SNTB1: variants seen among roughly 807,000 people sequenced by gnomAD.
SNTB1 encodes the protein beta-1-syntrophin.
In SNTB1, 36 loss-of-function variants were observed where a neutral mutation model predicts 48.9. The observed-to-expected ratio is 0.74, with a 90% CI of 0.56 to 0.97. The LOEUF (loss-of-function observed/expected upper bound fraction) is 0.97, where lower values mean the gene tolerates loss of function less well. SNTB1 is among the 50% of genes least tolerant of loss of function. The pLI is 0.00. For missense variants in SNTB1, 786 were observed against 703.4 expected (o/e 1.12, Z -1.33); for synonymous variants, 299 against 294.6 (o/e 1.01, Z -0.15).
chr8:120,647,035 G>A (rs1469149430), intron 2 of SNTB1, among the ~76,000 whole-genome samples: 11 of 148,874 alleles, frequency 7.4e-5, no homozygotes, highest in Middle Eastern at 3.4e-3. Flanking sequence ...TTTTTATTGC[G>A]TCTATTTGAT....
intron 1 of SNTB1, among the ~76,000 whole-genome samples, chr8:120,800,731 C>T (rs76285556): frequency 1.8e-3 from 278 of 151,794 alleles, no homozygotes; most frequent in Non-Finnish European, 2.2e-3. Flanking sequence ...GGGATAAGTA[C>T]AAAAAAACTA....
intron 4 of SNTB1, among the ~76,000 whole-genome samples, chr8:120,566,313 G>C (rs1196639350): frequency 8.4e-6 from 1 of 119,668 alleles, no homozygotes; most frequent in Non-Finnish European, 1.6e-5. Context: ...TGGGCGACAA[G>C]AGCAAGACTC....
intron 1 of SNTB1, among the ~76,000 whole-genome samples, chr8:120,756,132 A>G (rs1039581474): frequency 2.0e-5 from 3 of 152,174 alleles, no homozygotes; most frequent in African/African-American, 7.2e-5. Flanking sequence ...CATATCCAAC[A>G]TAGTCAATCT....
intron 1 of SNTB1, among the ~76,000 whole-genome samples, chr8:120,774,295 T>C (rs1320797544): frequency 6.6e-6 from 1 of 152,150 alleles, no homozygotes; most frequent in African/African-American, 2.4e-5. Context: ...CATGAAGGTG[T>C]GGTCAGACAT....
intron 1 of SNTB1, among the ~76,000 whole-genome samples, chr8:120,758,222 CAA>C (rs1489052417): frequency 4.6e-5 from 7 of 152,106 alleles, no homozygotes; most frequent in African/African-American, 1.2e-4. Flanking sequence ...CAAATTTTGT[CAA>C]GAGAGCTAAT....
intron 2 of SNTB1, among the ~76,000 whole-genome samples, chr8:120,656,046 GTTT>G (rs951172216): frequency 6.6e-6 from 1 of 151,834 alleles, no homozygotes; most frequent in Non-Finnish European, 1.5e-5. Context: ...TGTTGAGCCT[GTTT>G]TTTTTGAAAT....
At chr8:120,737,853 G>A (rs1818975962) in intron 1 of SNTB1, among the ~76,000 whole-genome samples, 1 of 152,144 alleles carries the variant, frequency 6.6e-6, no homozygotes, top group African/African-American at 2.4e-5. Flanking sequence ...ATAAGTGGCT[G>A]AGCCAATCCA....
chr8:120,652,140 A>G (rs1463164088), intron 2 of SNTB1, among the ~76,000 whole-genome samples: 1 of 152,218 alleles, frequency 6.6e-6, no homozygotes. Flanking sequence ...GGTTAAAACC[A>G]TCTTGTCTCA....
intron 2 of SNTB1, chr8:120,635,698 C>A: frequency 5.5e-6 from 1 of 180,694 alleles, no homozygotes. Context: ...GAGTCAGCCT[C>A]AGCAATGTGA....
intron 1 of SNTB1, among the ~76,000 whole-genome samples, chr8:120,766,030 T>A (rs1362385209): frequency 1.3e-5 from 2 of 152,216 alleles, no homozygotes; most frequent in Non-Finnish European, 2.9e-5. Flanking sequence ...ACGGCACTCT[T>A]CTTTTTAAAA....
chr8:120,715,003 C>G (rs576306402), intron 1 of SNTB1, among the ~76,000 whole-genome samples: 2 of 152,226 alleles, frequency 1.3e-5, no homozygotes, highest in African/African-American at 2.4e-5. Flanking sequence ...CATAATAGCA[C>G]AAATTGGAGA....
chr8:120,616,121 C>G (rs1029511472), intron 3 of SNTB1, among the ~76,000 whole-genome samples: 1 of 152,082 alleles, frequency 6.6e-6, no homozygotes, highest in Non-Finnish European at 1.5e-5. Context: ...GGAAAGGAAG[C>G]CTTCCTCACA....
chr8:120,564,314 C>T (rs975846522), intron 4 of SNTB1, among the ~76,000 whole-genome samples: 7 of 152,036 alleles, frequency 4.6e-5, no homozygotes, highest in Admixed American at 2.0e-4. Flanking sequence ...AGAGAGCTTG[C>T]ATTCTCCCTC....
intron 2 of SNTB1, among the ~76,000 whole-genome samples, chr8:120,662,665 C>T (rs1259607276): frequency 1.3e-5 from 2 of 152,098 alleles, no homozygotes; most frequent in African/African-American, 4.8e-5. Flanking sequence ...GCATTCCAAA[C>T]ATTTGTTCCC....
Position 120,753,326 on chromosome 8 carries a change from A to G in SNTB1, c.571+57947T>C, listed in dbSNP as rs112890289. On this transcript the variant is annotated intron_variant, in intron 1 of 6. Transcript: ENST00000517992. ...GGTAATGATATAATTGCGTAACTTTAAAAAGTTCTTCCTTTATGCTGTCTT... is the reference window on the plus strand; with the variant it reads ...GGTAATGATATAATTGCGTAACTTTGAAAAGTTCTTCCTTTATGCTGTCTT... Among the ~76,000 whole-genome samples, 726 of 152,250 alleles carry G rather than the reference A, an allele frequency of 4.8e-3. 9 individuals are homozygous for G. The highest frequency in any genetic ancestry group is 0.017 in the African/African-American group (688 of 41,550).
intron 5 of SNTB1, among the ~76,000 whole-genome samples, chr8:120,547,832 G>A (rs150093946): frequency 1.3e-5 from 2 of 152,124 alleles, no homozygotes; most frequent in African/African-American, 2.4e-5. Context: ...CAGGGCAGGG[G>A]CACTGGTCAC....
At chr8:120,701,100 C>T (rs1427575815) in intron 1 of SNTB1, among the ~76,000 whole-genome samples, 1 of 152,038 alleles carries the variant, frequency 6.6e-6, no homozygotes, top group African/African-American at 2.4e-5. Context: ...GAATTGCCAA[C>T]AAAATGCAAT....
intron 2 of SNTB1, among the ~76,000 whole-genome samples, chr8:120,675,414 T>G (rs374137631): frequency 3.3e-4 from 51 of 152,242 alleles, no homozygotes; most frequent in African/African-American, 1.1e-3. Flanking sequence ...GAAATCTCAG[T>G]CACTTAGTAC....
chr8:120,583,175 G>A (rs2130697646), intron 3 of SNTB1, among the ~76,000 whole-genome samples: 1 of 152,188 alleles, frequency 6.6e-6, no homozygotes, highest in African/African-American at 2.4e-5. Flanking sequence ...CAAATTCATT[G>A]AAAGACAAAC....
Sources: gnomAD v4.1 joint callset for allele counts (sites outside exome capture counted in the v4.1 genomes callset) on GRCh38, gnomAD v4.1.1 for gene constraint, MANE v1.5 for transcripts, NCBI Gene and HGNC (gene_info 2026-07-23, HGNC 2026-07-21) for gene names.